SKAP1: variants seen among roughly 807,000 people sequenced by gnomAD.
SKAP1 encodes the protein src kinase-associated phosphoprotein 1.
SKAP1 carries 44 observed loss-of-function variants against 58.5 expected under a neutral mutation model. The observed-to-expected ratio is 0.75, with a 90% CI of 0.59 to 0.97. SKAP1 has a LOEUF of 0.97. SKAP1 is among the 50% of genes least tolerant of loss of function. The pLI is 0.00. For synonymous variants in SKAP1, 127 were observed against 149.7 expected, an observed-to-expected ratio of 0.85 and a Z score of 1.11; for missense variants, 390 against 435.2, an observed-to-expected ratio of 0.90 and a Z score of 0.92.
At chr17:48,319,292 C>T (rs1193865508) in intron 4 of SKAP1, among the ~76,000 whole-genome samples, 3 of 151,996 alleles carry the variant, frequency 2.0e-5, no homozygotes, top group East Asian at 1.9e-4. Context: ...CTGGAGTAGA[C>T]AATTTAATTA....
intron 4 of SKAP1, among the ~76,000 whole-genome samples, chr17:48,300,593 G>A (rs1475720178): frequency 6.6e-6 from 1 of 152,170 alleles, no homozygotes; most frequent in Non-Finnish European, 1.5e-5. Flanking sequence ...CCAAGAGAGA[G>A]TGATGAGGGG....
chr17:48,392,669 C>T (rs2067363480), intron 2 of SKAP1, among the ~76,000 whole-genome samples: 1 of 151,620 alleles, frequency 6.6e-6, no homozygotes, highest in African/African-American at 2.4e-5. Context: ...CCAGCCTGGC[C>T]AACATGGTAA....
intron 2 of SKAP1, among the ~76,000 whole-genome samples, chr17:48,380,567 A>G (rs908329102): frequency 1.1e-4 from 16 of 152,204 alleles, no homozygotes; most frequent in African/African-American, 3.6e-4. Flanking sequence ...TAGCATCTCC[A>G]GGGTAGGGGC....
In SKAP1 at chr17:48,394,794, A is replaced by G. The variant is rs74569279; in HGVS notation, c.152+1886T>C. Among the ~76,000 whole-genome samples the G allele has an allele frequency of 2.9e-3, 444 of 152,326 alleles. 3 individuals are homozygous for G. Among genetic ancestry groups the G allele is most frequent in the African/African-American group, 1.0e-2 (415 of 41,578 alleles). ...ATATGGCTGAAGAAGAGGATTCAGG[A>G]AAACAAGGGTTACATTAACAGAATG... On this transcript the variant is annotated intron_variant, in intron 2 of 12. Transcript: ENST00000336915.
intron 4 of SKAP1, among the ~76,000 whole-genome samples, chr17:48,266,955 C>A (rs2065559268): frequency 6.6e-6 from 1 of 152,120 alleles, no homozygotes; most frequent in Non-Finnish European, 1.5e-5. Flanking sequence ...TGTGACTAGA[C>A]TAACACTCAA....
chr17:48,420,871 C>G (rs2067785104), intron 1 of SKAP1, among the ~76,000 whole-genome samples: 1 of 152,092 alleles, frequency 6.6e-6, no homozygotes, highest in Non-Finnish European at 1.5e-5. Flanking sequence ...TAGCTTCTAC[C>G]CACTAGATGC....
intron 11 of SKAP1, among the ~76,000 whole-genome samples, chr17:48,139,060 T>G (rs188430081): frequency 6.6e-6 from 1 of 151,874 alleles, no homozygotes; most frequent in Admixed American, 6.5e-5. Flanking sequence ...TTTGTATTTT[T>G]AGTAAAGACG....
chr17:48,211,332 T>C (rs929310779), intron 4 of SKAP1, among the ~76,000 whole-genome samples: 1 of 152,106 alleles, frequency 6.6e-6, no homozygotes, highest in Non-Finnish European at 1.5e-5. Context: ...ATCAATTCAT[T>C]TCAGGAGTGG....
chr17:48,359,795 A>G (rs1292447209), intron 3 of SKAP1, among the ~76,000 whole-genome samples: 1 of 151,950 alleles, frequency 6.6e-6, no homozygotes, highest in African/African-American at 2.4e-5. Context: ...TTGTAGACAC[A>G]GGGTCTCACC....
At chr17:48,203,301 G>A (rs8069064) in intron 4 of SKAP1, among the ~76,000 whole-genome samples, 84,984 of 152,076 alleles carry the variant, frequency 0.56, 24,734 homozygotes, top group East Asian at 0.77. Flanking sequence ...TTTATTGTTA[G>A]GTGGACTAGC....
chr17:48,354,534 G>C (rs367757625), intron 3 of SKAP1, among the ~76,000 whole-genome samples: 4 of 152,102 alleles, frequency 2.6e-5, no homozygotes, highest in South Asian at 2.1e-4. Flanking sequence ...ATTCACATCA[G>C]CTGACAAGGA....
At chr17:48,158,703 G>C (rs929738173) in intron 11 of SKAP1, among the ~76,000 whole-genome samples, 14 of 151,862 alleles carry the variant, frequency 9.2e-5, no homozygotes, top group African/African-American at 3.4e-4. Context: ...GCTCACGCCT[G>C]TAATCCCAGC....
intron 1 of SKAP1, 125 bp downstream of exon 1, chr17:48,429,950 A>G (rs2067897115): frequency 1.3e-6 from 1 of 785,026 alleles, no homozygotes; most frequent in African/African-American, 1.8e-5. Flanking sequence ...TGAGGGCTCT[A>G]GAAGCCTTAA....
At chr17:48,248,835 C>G (rs890062294) in intron 4 of SKAP1, 4 of 152,000 alleles carry the variant, frequency 2.6e-5, no homozygotes, top group Non-Finnish European at 4.4e-5. Context: ...TATCAATGAA[C>G]AGGGTTTAAT....
chr17:48,174,109 T>C (rs1400267329), intron 9 of SKAP1, among the ~76,000 whole-genome samples: 2 of 152,214 alleles, frequency 1.3e-5, no homozygotes, highest in Admixed American at 6.5e-5. Flanking sequence ...TCCAGACCAG[T>C]TACTCTTGAT....
intron 4 of SKAP1, among the ~76,000 whole-genome samples, chr17:48,219,876 T>C (rs2064981586): frequency 6.6e-6 from 1 of 152,170 alleles, no homozygotes; most frequent in African/African-American, 2.4e-5. Context: ...GGCTACCACT[T>C]TGTTCCTCAC....
chr17:48,439,900 C>T, the SKAP1 span, among the ~76,000 whole-genome samples: 3 of 152,118 alleles, frequency 2.0e-5, no homozygotes, highest in South Asian at 4.1e-4. Context: ...ATCTGCTATC[C>T]CAGCACCTGC....
At chr17:48,279,233 A>G (rs911202706) in intron 4 of SKAP1, among the ~76,000 whole-genome samples, 2 of 152,210 alleles carry the variant, frequency 1.3e-5, no homozygotes, top group Non-Finnish European at 2.9e-5. Context: ...CAGAAAAAAA[A>G]AGAGAAGATC....
chr17:48,369,490 CA>C (rs11369011), intron 2 of SKAP1, among the ~76,000 whole-genome samples: 80 of 137,282 alleles, frequency 5.8e-4, no homozygotes, highest in Middle Eastern at 3.8e-3. Context: ...GACCCTCTCT[CA>C]AAAAAAAAAA....
Sources: allele counts gnomAD v4.1 joint callset (sites outside exome capture counted in the v4.1 genomes callset), GRCh38; gene constraint gnomAD v4.1.1; transcripts MANE v1.5; gene names NCBI Gene and HGNC (gene_info 2026-07-23, HGNC 2026-07-21).